The following MCTP1 variants were observed in gnomAD, a reference collection of about 807,000 sequenced individuals.
MCTP1 encodes multiple C2 and transmembrane domain-containing protein 1.
MCTP1 carries 69 observed loss-of-function variants against 120.6 expected under a neutral mutation model. The ratio of observed to expected loss-of-function variants is 0.57; its 90% CI spans 0.47 to 0.70. The LOEUF is 0.70. MCTP1 is among the 30% of genes least tolerant of loss of function. The probability of loss-of-function intolerance (pLI) is 0.00; values close to 1 mark genes in which losing one functional copy is unlikely to be tolerated. For missense variants in MCTP1, 1,203 were observed against 1,248.8 expected, an observed-to-expected ratio of 0.96 and a Z score of 0.55; for synonymous variants, 529 against 493.1, an observed-to-expected ratio of 1.07 and a Z score of -0.96.
chr5:95,116,332 AC>A (rs1451887444), intron 1 of MCTP1, among the ~76,000 whole-genome samples: 1 of 152,086 alleles, frequency 6.6e-6, no homozygotes, highest in Non-Finnish European at 1.5e-5. Context: ...AAAAATAGTA[AC>A]TGACAACTTT....
chr5:94,706,452 T>TAATA lies in MCTP1; in HGVS notation c.*1040_*1043dup, dbSNP rs398109174. Reference sequence around the variant, plus strand: ...ATGCATAATCAAGAATGATTTTTTTTAATAAATGAATGTAGTGAAACACTG... The same window carrying TAATA: ...ATGCATAATCAAGAATGATTTTTTTTAATAAATAAATGAATGTAGTGAAACACTG... On this transcript the variant is annotated 3_prime_UTR_variant, in exon 23 of 23. Coordinates refer to ENST00000515393, the MANE Select transcript of MCTP1 (RefSeq NM_024717.7). 6.6e-6 allele frequency: 1 copy of TAATA among 151,622 alleles called. No individual in the cohort carries two copies. The highest frequency in any genetic ancestry group is 1.5e-5 in the Non-Finnish European group (1 of 67,770). 9.4% of individuals were successfully genotyped at this position (151,622 alleles called of 1,614,324 possible).
Position 94,706,711 on chromosome 5 carries a change from T to C in MCTP1, c.*785A>G, listed in dbSNP as rs539065170. 11 of 151,924 alleles carry C rather than the reference T, an allele frequency of 7.2e-5. No individual in the cohort carries two copies. Among genetic ancestry groups the C allele is most frequent in the Admixed American group, 2.0e-4 (3 of 15,226 alleles). The allele number at this position is 151,924 out of a possible 1,614,324, so 9.4% of individuals were successfully genotyped here. On this transcript the variant is annotated 3_prime_UTR_variant, in exon 23 of 23. Transcript: ENST00000515393. ...TAACTGTACTTACTGGGTTGCTAAT[T>C]TGCTAACTAACTGTATAAATTAAAG... is the stretch of plus-strand genomic sequence containing the variant.
intron 19 of MCTP1, among the ~76,000 whole-genome samples, chr5:94,757,520 A>C (rs1770213572): frequency 6.6e-6 from 1 of 152,230 alleles, no homozygotes; most frequent in South Asian, 2.1e-4. Context: ...AGTTAGTTTT[A>C]GAGGAAGAAG....
At chr5:95,236,487 G>C (rs888297691) in intron 1 of MCTP1, among the ~76,000 whole-genome samples, 2 of 152,068 alleles carry the variant, frequency 1.3e-5, no homozygotes, top group Non-Finnish European at 2.9e-5. Context: ...CTTCCTTTAT[G>C]TCTTCTCCCT....
Position 95,137,025 on chromosome 5 carries a change from G to T in MCTP1, c.721-119541C>A, listed in dbSNP as rs147378595. On this transcript the variant is annotated intron_variant, in intron 1 of 22. Coordinates refer to ENST00000515393, the MANE Select transcript of MCTP1 (RefSeq NM_024717.7). ...AGGTTTAAAACCTCAACAATGAAAA[G>T]AATTACTAAGGTATTTCACTTATTC... 4.1e-4 allele frequency among the ~76,000 whole-genome samples: 62 copies of T among 152,288 alleles called. 2 individuals carry two copies. The Middle Eastern group carries it at 0.01, about 25-fold the overall frequency.
At chr5:95,229,836 C>T (rs1056158782) in intron 1 of MCTP1, among the ~76,000 whole-genome samples, 1 of 152,070 alleles carries the variant, frequency 6.6e-6, no homozygotes, top group African/African-American at 2.4e-5. Context: ...CCTGTGTCTA[C>T]ATACTTCTTA....
chr5:95,024,379 TATA>T (rs1320511641), intron 1 of MCTP1, among the ~76,000 whole-genome samples: 2 of 152,164 alleles, frequency 1.3e-5, no homozygotes, highest in Non-Finnish European at 2.9e-5. Context: ...TCTCAATGGA[TATA>T]TGAAAAGCAT....
intron 2 of MCTP1, among the ~76,000 whole-genome samples, chr5:94,990,456 G>T (rs1477599776): frequency 2.0e-5 from 3 of 152,160 alleles, no homozygotes; most frequent in Non-Finnish European, 4.4e-5. Flanking sequence ...GCCTTTAGCT[G>T]CCAGAGATCA....
chr5:95,132,884 T>C (rs531566043), intron 1 of MCTP1, among the ~76,000 whole-genome samples: 1 of 152,248 alleles, frequency 6.6e-6, no homozygotes, highest in Non-Finnish European at 1.5e-5. Flanking sequence ...ATGGATGTTT[T>C]GATCACCATA....
At chr5:95,132,935 A>C (rs762340791) in intron 1 of MCTP1, among the ~76,000 whole-genome samples, 1 of 152,214 alleles carries the variant, frequency 6.6e-6, no homozygotes, top group Admixed American at 6.5e-5. Context: ...CTCAATAAGT[A>C]CATTCCTCCA....
chr5:95,089,558 C>T (rs73776178), intron 1 of MCTP1, among the ~76,000 whole-genome samples: 154 of 152,176 alleles, frequency 1.0e-3, no homozygotes, highest in African/African-American at 3.4e-3. Flanking sequence ...AAATGTGAAG[C>T]GAAGTTTTCT....
chr5:95,072,747 T>TTG (rs1752553845), intron 1 of MCTP1, among the ~76,000 whole-genome samples: 6 of 139,260 alleles, frequency 4.3e-5, no homozygotes, highest in Admixed American at 2.9e-4. Flanking sequence ...ACTATTTTTT[T>TTG]TTTTTTTTTT....
intron 2 of MCTP1, among the ~76,000 whole-genome samples, chr5:94,989,676 G>T (rs1216278128): frequency 1.3e-5 from 2 of 152,134 alleles, no homozygotes; most frequent in East Asian, 1.9e-4. Flanking sequence ...TCAGGATGAG[G>T]CTGGTTGCTA....
Position 94,917,959 on chromosome 5 carries a change from T to A in MCTP1, c.1287A>T (p.Pro429=). 1 of 1,614,016 alleles carries A rather than the reference T, an allele frequency of 6.2e-7. No individual in the cohort carries two copies. The highest frequency in any genetic ancestry group is 8.5e-7 in the Non-Finnish European group (1 of 1,179,878). Residue 429 remains proline, a synonymous_variant, in exon 8 of 23, where the codon CCA becomes CCT. Transcript: ENST00000515393. ...KSLFWRTCGR[P]ALPVLGFCRA... ...TGCAGAAGCCCAGGACAGGAAGAGC[T>A]GGCCTGCCGCACGTCTGGATGGAAA...
At chr5:95,211,369 C>A (rs576984789) in intron 1 of MCTP1, among the ~76,000 whole-genome samples, 68 of 152,106 alleles carry the variant, frequency 4.5e-4, no homozygotes, top group Non-Finnish European at 7.5e-4. Context: ...AGGCTTTGTT[C>A]GTTTCTTTTT....
chr5:95,038,099 A>C, intron 1 of MCTP1: 1 of 984,348 alleles, frequency 1.0e-6, no homozygotes, highest in Non-Finnish European at 1.2e-6. Context: ...CATTCGAACA[A>C]TCTCATGGTC....
chr5:95,080,754 T>TA (rs1754741889), intron 1 of MCTP1, among the ~76,000 whole-genome samples: 1 of 152,182 alleles, frequency 6.6e-6, no homozygotes, highest in African/African-American at 2.4e-5. Context: ...AACCTCTCAT[T>TA]CATTCTCTAT....
At chr5:95,107,640 T>C (rs1757179866) in intron 1 of MCTP1, among the ~76,000 whole-genome samples, 1 of 152,218 alleles carries the variant, frequency 6.6e-6, no homozygotes, top group African/African-American at 2.4e-5. Flanking sequence ...AGTTTTTAAA[T>C]ACCATTCCTC....
chr5:94,782,864 A>G (rs1226625473), intron 18 of MCTP1, among the ~76,000 whole-genome samples: 1 of 152,158 alleles, frequency 6.6e-6, no homozygotes, highest in Non-Finnish European at 1.5e-5. Flanking sequence ...TGTAGTAGAA[A>G]AGATACATTT....
Sources: gnomAD v4.1 joint callset for allele counts (sites outside exome capture counted in the v4.1 genomes callset) on GRCh38, gnomAD v4.1.1 for gene constraint, MANE v1.5 for transcripts, NCBI Gene and HGNC (gene_info 2026-07-23, HGNC 2026-07-21) for gene names.